CHODL: variants seen among roughly 807,000 people sequenced by gnomAD.
CHODL encodes the protein transmembrane protein MT75.
CHODL carries 29 observed loss-of-function variants against 34.5 expected under a neutral mutation model. The ratio of observed to expected loss-of-function variants is 0.84; its 90% CI spans 0.63 to 1.15. CHODL has a LOEUF of 1.15. CHODL is among the 50% of genes most tolerant of loss of function. The pLI, the probability that CHODL is intolerant of heterozygous loss-of-function variation, is 0.00. For synonymous variants in CHODL, 125 were observed against 116.1 expected, an observed-to-expected ratio of 1.08 and a Z score of -0.49; for missense variants, 332 against 332.5, an observed-to-expected ratio of 1.00 and a Z score of 0.01.
intron 1 of CHODL, among the ~76,000 whole-genome samples, chr21:17,950,256 T>C (rs2063445053): frequency 6.6e-6 from 1 of 151,916 alleles, no homozygotes; most frequent in Admixed American, 6.6e-5. Context: ...ACGTTTTCTA[T>C]ATTAAAAAAA....
At chr21:18,195,397 T>C (rs983925644) in intron 2 of CHODL, among the ~76,000 whole-genome samples, 1 of 152,078 alleles carries the variant, frequency 6.6e-6, no homozygotes, top group African/African-American at 2.4e-5. Context: ...ATATAGTAGA[T>C]CTCCTGAACT....
At chr21:18,026,497 A>G (rs2064177212) in intron 1 of CHODL, among the ~76,000 whole-genome samples, 3 of 152,216 alleles carry the variant, frequency 2.0e-5, no homozygotes, top group African/African-American at 7.2e-5. Context: ...AGTGAATTTA[A>G]TCTTTGCTGC....
intron 2 of CHODL, among the ~76,000 whole-genome samples, chr21:18,192,247 C>T (rs1460162161): frequency 6.6e-6 from 1 of 152,132 alleles, no homozygotes; most frequent in Admixed American, 6.5e-5. Context: ...GATCTGACTC[C>T]AGACAAGTTC....
intron 2 of CHODL, among the ~76,000 whole-genome samples, chr21:18,226,795 T>G (rs2073935222): frequency 6.6e-6 from 1 of 152,036 alleles, no homozygotes; most frequent in Non-Finnish European, 1.5e-5. Flanking sequence ...TTGATTAAAG[T>G]AGTAGTAATT....
intron 1 of CHODL, among the ~76,000 whole-genome samples, chr21:18,248,762 GTTATATATAA>G: frequency 8.9e-6 from 1 of 111,914 alleles, no homozygotes; most frequent in African/African-American, 3.7e-5. Flanking sequence ...ATGTATATAT[GTTATATATAA>G]TATATGTGTG....
chr21:18,234,991 A>G (rs2146761642), intron 2 of CHODL, among the ~76,000 whole-genome samples: 1 of 152,294 alleles, frequency 6.6e-6, no homozygotes, highest in East Asian at 1.9e-4. Flanking sequence ...GATGTGGCTT[A>G]TTTGAGAAAA....
chr21:18,011,040 G>A (rs565390320), intron 1 of CHODL, among the ~76,000 whole-genome samples: 4 of 152,202 alleles, frequency 2.6e-5, no homozygotes, highest in South Asian at 4.1e-4. Flanking sequence ...TGAATTTTTT[G>A]TGTGGCAAAT....
At chr21:17,951,390 C>T (rs897498224) in intron 1 of CHODL, among the ~76,000 whole-genome samples, 14 of 152,008 alleles carry the variant, frequency 9.2e-5, no homozygotes, top group South Asian at 2.1e-4. Context: ...TCTAGGAGGG[C>T]GTAAGGACAG....
In CHODL at chr21:18,057,228, A is replaced by C. The variant is rs148322200; in HGVS notation, c.-45+29257A>C. Among the ~76,000 whole-genome samples, 3 of 152,110 alleles carry C rather than the reference A, an allele frequency of 2.0e-5. No homozygotes were observed. In the East Asian group the frequency reaches 5.8e-4, roughly 29 times the overall value. ...TTCAGCATCTAGCATTCATGTGGCT[A>C]TTTATTTTCTTTTTTATAAAATACC... On this transcript the variant is annotated intron_variant, in intron 2 of 6. Coordinates refer to the CHODL transcript ENST00000400127.
intron 2 of CHODL, among the ~76,000 whole-genome samples, chr21:18,226,327 G>A (rs2073930542): frequency 6.6e-6 from 1 of 152,138 alleles, no homozygotes; most frequent in African/African-American, 2.4e-5. Flanking sequence ...TTGAGACAGA[G>A]TCTTGCTTGC....
upstream of CHODL, among the ~76,000 whole-genome samples, chr21:18,244,394 A>G (rs966072994): frequency 6.6e-6 from 1 of 152,246 alleles, no homozygotes; most frequent in Non-Finnish European, 1.5e-5. Context: ...GCCACATTAT[A>G]TAATTCACTG....
Position 18,200,806 on chromosome 21 carries a change from TATAAG to T in CHODL, c.-44-55701_-44-55697del, listed in dbSNP as rs143755372. On this transcript the variant is annotated intron_variant, in intron 2 of 6. Transcript: ENST00000400127. ...CCTTAAATCCGATGACTTGTATACT[TATAAG>T]AGGAGGACAGGACAATCAAAAAGAG... is the stretch of plus-strand genomic sequence containing the variant. 3.6e-3 allele frequency among the ~76,000 whole-genome samples: 542 copies of T among 152,276 alleles called. 3 individuals are homozygous for T. The highest frequency in any genetic ancestry group is 0.012 in the African/African-American group (502 of 41,546).
intron 2 of CHODL, among the ~76,000 whole-genome samples, chr21:18,046,434 C>T (rs71319669): frequency 0.014 from 2,167 of 151,942 alleles, 30 homozygotes; most frequent in Middle Eastern, 0.024. Context: ...AAATACATTA[C>T]GGGGACCAGA....
intron 2 of CHODL, among the ~76,000 whole-genome samples, chr21:18,103,889 C>A (rs958122585): frequency 6.6e-6 from 1 of 152,100 alleles, no homozygotes; most frequent in African/African-American, 2.4e-5. Context: ...AACCACTATT[C>A]CAGAGGAAGG....
chr21:18,143,600 A>G (rs540031311), intron 2 of CHODL, among the ~76,000 whole-genome samples: 5 of 152,198 alleles, frequency 3.3e-5, no homozygotes, highest in African/African-American at 9.6e-5. Flanking sequence ...CTTAAACTCT[A>G]TGAGTCTCAC....
At chr21:18,128,639 T>C (rs187206716) in intron 2 of CHODL, among the ~76,000 whole-genome samples, 2 of 152,194 alleles carry the variant, frequency 1.3e-5, no homozygotes, top group Admixed American at 1.3e-4. Flanking sequence ...AAATGATCAA[T>C]AAAATGTGTA....
At chr21:17,976,566 A>G (rs1219709139) in intron 1 of CHODL, among the ~76,000 whole-genome samples, 1 of 152,180 alleles carries the variant, frequency 6.6e-6, no homozygotes, top group Admixed American at 6.6e-5. Context: ...ATTCAAAATC[A>G]TTATTGGTAA....
chr21:18,164,690 T>TCTGGTCATTTCCTC (rs2073132870), intron 2 of CHODL, among the ~76,000 whole-genome samples: 1 of 151,782 alleles, frequency 6.6e-6, no homozygotes, highest in African/African-American at 2.4e-5. Flanking sequence ...CATTTCCTCA[T>TCTGGTCATTTCCTC]CTAGTCATTT....
chr21:17,938,578 G>A lies in CHODL; in HGVS notation c.-145+21178G>A, dbSNP rs921532770. On this transcript the variant is annotated intron_variant, in intron 1 of 6. Transcript: ENST00000400127. ...ACTGCAAGCTCCGCCTCCCGGGTTC[G>A]CGCCATTCTCCTGCCTCAGCCTCCT... 5.7e-3 allele frequency among the ~76,000 whole-genome samples: 809 copies of A among 141,532 alleles called. 12 individuals are homozygous for A. Among genetic ancestry groups the A allele is most frequent in the African/African-American group, 0.02 (768 of 38,152 alleles). The allele number at this position is 141,532 out of a possible 152,430, so 92.9% of individuals were successfully genotyped here. A position where few individuals can be genotyped will look rare whatever the true frequency, so the allele number is the denominator to read the frequency against.
Sources: allele counts gnomAD v4.1 joint callset (sites outside exome capture counted in the v4.1 genomes callset), GRCh38; gene constraint gnomAD v4.1.1; transcripts MANE v1.5; gene names NCBI Gene and HGNC (gene_info 2026-07-23, HGNC 2026-07-21).